The following SDHA variants were observed in gnomAD, a reference collection of about 807,000 sequenced individuals.
The protein encoded by SDHA is succinate dehydrogenase [ubiquinone] flavoprotein subunit, mitochondrial.
A neutral mutation model predicts 78.4 loss-of-function variants in SDHA; 48 were observed. The observed-to-expected ratio is 0.61, with a 90% CI of 0.49 to 0.78. The LOEUF is 0.78. Ranked by LOEUF, SDHA falls within the 30% of genes least tolerant of loss-of-function variation. The pLI is 0.00. For synonymous variants in SDHA, 326 were observed against 353.9 expected, an observed-to-expected ratio of 0.92 and a Z score of 0.88; for missense variants, 680 against 892.7, an observed-to-expected ratio of 0.76 and a Z score of 3.04.
intron 11 of SDHA, among the ~76,000 whole-genome samples, chr5:241,915 T>G (rs112485792): frequency 1.3e-5 from 2 of 152,208 alleles, no homozygotes; most frequent in African/African-American, 4.8e-5. Flanking sequence ...GGAGGCCAGC[T>G]GGGAAAGAAA....
At chr5:221,830 G>GA (rs1347643593) in intron 1 of SDHA, among the ~76,000 whole-genome samples, 1 of 152,078 alleles carries the variant, frequency 6.6e-6, no homozygotes, top group Non-Finnish European at 1.5e-5. Flanking sequence ...TCGCCAGGGG[G>GA]ATGGCGTGAT....
chr5:250,787 G>C (rs938412400), intron 11 of SDHA: 11 of 584,772 alleles, frequency 1.9e-5, no homozygotes, highest in African/African-American at 1.9e-4. Context: ...GTATGTAATA[G>C]AAACATTTAT....
chr5:264,330 C>T, the SDHA span, among the ~76,000 whole-genome samples: 1 of 152,200 alleles, frequency 6.6e-6, no homozygotes, highest in Non-Finnish European at 1.5e-5. Context: ...CAGGTGCCAA[C>T]CCTGAGACCA....
chr5:222,419 C>T lies in SDHA; in HGVS notation c.64-1063C>T, dbSNP rs184734315. Among the ~76,000 whole-genome samples, 11 of 149,498 alleles carry T rather than the reference C, an allele frequency of 7.4e-5. No individual in the cohort carries two copies. The East Asian group carries it at 2.0e-3, about 27-fold the overall frequency. ...CCGGAGTGCAGTGGCACAGTCTAGG[C>T]TCACTGCAGCCTCTGCCTTCTGGGT... On this transcript the variant is annotated intron_variant, in intron 1 of 14. Transcript: ENST00000264932.
intron 14 of SDHA, among the ~76,000 whole-genome samples, 197 bp downstream of exon 14, chr5:254,703 G>A (rs1018140926): frequency 2.0e-5 from 3 of 152,204 alleles, no homozygotes; most frequent in Non-Finnish European, 4.4e-5. Context: ...AGTTCCTGCA[G>A]GTGGTTCAGA....
At chr5:226,092 G>A (rs1285591456) in intron 5 of SDHA, 45 bp downstream of exon 5, 2 of 1,607,392 alleles carry the variant, frequency 1.2e-6, no homozygotes, top group Non-Finnish European at 1.7e-6. Flanking sequence ...GTAGTGCTGG[G>A]GCTTATGGTG....
intron 11 of SDHA, chr5:250,639 C>T (rs1315659342): frequency 2.8e-5 from 10 of 355,082 alleles, no homozygotes; most frequent in African/African-American, 6.4e-5. Context: ...GTCAGGAGTC[C>T]CGCCAGGGGT....
At chr5:219,822 C>T (rs1734612227) in intron 1 of SDHA, among the ~76,000 whole-genome samples, 1 of 152,178 alleles carries the variant, frequency 6.6e-6, no homozygotes, top group South Asian at 2.1e-4. Context: ...TAAGACCCTG[C>T]CAGCGGCGGA....
chr5:247,851 A>G (rs1463570797), intron 11 of SDHA, among the ~76,000 whole-genome samples: 1 of 152,262 alleles, frequency 6.6e-6, no homozygotes, highest in Non-Finnish European at 1.5e-5. Flanking sequence ...TATACGGAAT[A>G]TTAAACACAT....
At chr5:253,747 T>C (rs1298757201) in intron 13 of SDHA, among the ~76,000 whole-genome samples, 1 of 152,072 alleles carries the variant, frequency 6.6e-6, no homozygotes, top group East Asian at 1.9e-4. Flanking sequence ...TGCATAAATT[T>C]AGTTGGTCAC....
intron 11 of SDHA, among the ~76,000 whole-genome samples, chr5:242,035 C>T (rs1736172775): frequency 6.6e-6 from 1 of 152,216 alleles, no homozygotes; most frequent in Non-Finnish European, 1.5e-5. Flanking sequence ...CATGGTGTGT[C>T]TTGGTGCCTG....
At chr5:224,778 C>T (rs1224252400) in intron 3 of SDHA, 6 of 535,418 alleles carry the variant, frequency 1.1e-5, no homozygotes, top group Non-Finnish European at 2.0e-5. Context: ...TTGCCTACTA[C>T]CTTCCCCACC....
At chr5:238,623 G>A (rs994075090) in intron 10 of SDHA, among the ~76,000 whole-genome samples, 1 of 152,116 alleles carries the variant, frequency 6.6e-6, no homozygotes, top group Admixed American at 6.5e-5. Context: ...TCCTGTCTCA[G>A]CCTCCCGAAG....
downstream of SDHA, among the ~76,000 whole-genome samples, chr5:258,651 TTACCGTGTGAGCTCCGCCTC>T (rs1176083371): frequency 1.8e-5 from 2 of 112,758 alleles, no homozygotes; most frequent in Admixed American, 1.7e-4. Flanking sequence ...CGCCAGAGCA[TTACCGTGTGAGCTCCGCCTC>T]CTGTCACAGC....
intron 10 of SDHA, 79 bp from the exon 11 acceptor site, chr5:240,279 T>A (rs1047190348): frequency 7.0e-6 from 6 of 861,952 alleles, no homozygotes; most frequent in Non-Finnish European, 1.2e-5. Context: ...CTGTGCTACA[T>A]GTTTGTGTGT....
chr5:234,440 A>AAC lies in SDHA; in HGVS notation c.1065-703_1065-702insCA, dbSNP rs1553999251. On this transcript the variant is annotated intron_variant, in intron 8 of 14. Coordinates refer to ENST00000264932, the MANE Select transcript of SDHA (RefSeq NM_004168.4). ...TCTCAAAAAAAAAAAAAAAAAAAAA[A>AAC]AAAACAGAGAAGTCAAATGGTTTTT... 798 of 141,526 alleles carry AAC rather than the reference A, an allele frequency of 5.6e-3. 38 individuals are homozygous for AAC. The highest frequency in any genetic ancestry group is 0.019 in the African/African-American group (663 of 35,504). 8.8% of individuals were successfully genotyped at this position (141,526 alleles called of 1,614,324 possible).
chr5:248,018 A>G (rs570159897), intron 11 of SDHA, among the ~76,000 whole-genome samples: 1 of 152,334 alleles, frequency 6.6e-6, no homozygotes, highest in African/African-American at 2.4e-5. Context: ...GAGCCTGCCT[A>G]AAGGCCAGAT....
At chr5:245,753 C>T (rs1257939885) in intron 11 of SDHA, among the ~76,000 whole-genome samples, 1 of 152,220 alleles carries the variant, frequency 6.6e-6, no homozygotes, top group Non-Finnish European at 1.5e-5. Context: ...CAATTGAAAA[C>T]ATTAAATGAG....
intron 1 of SDHA, among the ~76,000 whole-genome samples, chr5:221,452 A>AT (rs1299612185): frequency 3.3e-5 from 5 of 152,132 alleles, no homozygotes; most frequent in Admixed American, 2.6e-4. Flanking sequence ...GTACATGCAG[A>AT]TTAGTTTCTT....
Sources: gnomAD v4.1 joint callset for allele counts (sites outside exome capture counted in the v4.1 genomes callset) on GRCh38, gnomAD v4.1.1 for gene constraint, MANE v1.5 for transcripts, NCBI Gene and HGNC (gene_info 2026-07-23, HGNC 2026-07-21) for gene names.